ERBIN: variants seen among roughly 807,000 people sequenced by gnomAD.
The protein encoded by ERBIN is erbb2 interacting protein.
A neutral mutation model predicts 158.4 loss-of-function variants in ERBIN; 60 were observed. The ratio of observed to expected loss-of-function variants is 0.38; its 90% CI spans 0.31 to 0.47. ERBIN has a LOEUF of 0.47. Ranked by LOEUF, ERBIN falls within the 20% of genes least tolerant of loss-of-function variation. The pLI is 0.99. For missense variants in ERBIN, 1,610 were observed against 1,648.0 expected (o/e 0.98, Z 0.40); for synonymous variants, 594 against 557.2 (o/e 1.07, Z -0.93).
At chr5:65,980,213 C>T (rs1319894877) in intron 1 of ERBIN, among the ~76,000 whole-genome samples, 3 of 152,130 alleles carry the variant, frequency 2.0e-5, no homozygotes, top group East Asian at 1.9e-4. Context: ...GTCAGGAGTT[C>T]GAGACCAGCC....
chr5:66,064,290 A>C (rs1760764666), intron 21 of ERBIN, among the ~76,000 whole-genome samples: 2 of 152,218 alleles, frequency 1.3e-5, no homozygotes, highest in Non-Finnish European at 2.9e-5. Flanking sequence ...GTTGAATTAA[A>C]GATGTATTTT....
At chr5:66,043,025 T>G in intron 15 of ERBIN, 52 bp from the exon 16 acceptor site, 16 of 1,367,458 alleles carry the variant, frequency 1.2e-5, no homozygotes, top group Non-Finnish European at 1.6e-5. Context: ...AGTGATAGTT[T>G]TCCATAATTA....
chr5:65,941,061 G>T (rs978069421), intron 1 of ERBIN, among the ~76,000 whole-genome samples: 16 of 152,092 alleles, frequency 1.1e-4, no homozygotes, highest in Non-Finnish European at 2.1e-4. Flanking sequence ...TCCACTCAGG[G>T]TTAAATGGAT....
At chr5:65,939,911 C>G (rs1426052128) in intron 1 of ERBIN, among the ~76,000 whole-genome samples, 1 of 151,876 alleles carries the variant, frequency 6.6e-6, no homozygotes, top group Non-Finnish European at 1.5e-5. Context: ...CTCCACCTCC[C>G]AGCCGCCTGC....
At chr5:66,051,088 T>C in intron 20 of ERBIN, 122 bp downstream of exon 20, 1 of 583,672 alleles carries the variant, frequency 1.7e-6, no homozygotes, top group South Asian at 2.9e-5. Flanking sequence ...GTAATATGTT[T>C]TATTTCCCCA....
At chr5:65,938,526 C>G (rs907754408) in intron 1 of ERBIN, among the ~76,000 whole-genome samples, 1 of 151,948 alleles carries the variant, frequency 6.6e-6, no homozygotes, top group East Asian at 1.9e-4. Flanking sequence ...TGTGGTCCCA[C>G]TCCGTTGCCC....
chr5:66,069,197 C>T (rs1370295293), intron 21 of ERBIN, among the ~76,000 whole-genome samples: 1 of 152,214 alleles, frequency 6.6e-6, no homozygotes, highest in Non-Finnish European at 1.5e-5. Context: ...AATTCATTAT[C>T]TCCTGAGTTT....
At chr5:65,946,164 A>C (rs1173182822) in intron 1 of ERBIN, among the ~76,000 whole-genome samples, 2 of 152,114 alleles carry the variant, frequency 1.3e-5, no homozygotes, top group Admixed American at 1.3e-4. Flanking sequence ...CAAGAGTTCA[A>C]GACCAGCCTG....
chr5:66,027,065 T>C (rs943241617), intron 13 of ERBIN, among the ~76,000 whole-genome samples: 2 of 151,998 alleles, frequency 1.3e-5, no homozygotes, highest in African/African-American at 4.8e-5. Flanking sequence ...AACATACTAA[T>C]GATGATTAAA....
intron 7 of ERBIN, among the ~76,000 whole-genome samples, chr5:66,015,243 T>C (rs1754594665): frequency 6.6e-6 from 1 of 152,320 alleles, no homozygotes; most frequent in South Asian, 2.1e-4. Context: ...GAAACAGGTC[T>C]ACAAACTCGA....
At position 66,038,398 on chromosome 5, in the gene ERBIN, C is replaced by T. The variant is rs201686072; in HGVS notation, c.1222C>T (p.Pro408Ser). 1.9e-6 allele frequency: 3 copies of T among 1,610,860 alleles called. No individual in the cohort carries two copies. The highest frequency in any genetic ancestry group is 2.5e-6 in the Non-Finnish European group (3 of 1,178,074). Residue 408 changes from proline (P) to serine (S), a missense_variant, in exon 15 of 26, where the codon CCT becomes TCT. Pro to Ser is a moderately conservative substitution (Grantham distance 74). Around this residue, in one of 2 missense-constraint regions of ERBIN, gnomAD observed 596 missense variants for 711.9 expected, o/e 0.84. Transcript: ENST00000284037. The stretch of plus-strand genomic sequence containing the variant: ...CCTTCTCTAGTCCAAACCCCTGATA[C>T]CTCTTCAAAAAGAAACTGATTCAGA... ...LSDNQSKPLI[P>S]LQKETDSETQ... is the part of the protein sequence containing the mutation.
intron 1 of ERBIN, among the ~76,000 whole-genome samples, chr5:65,959,209 C>G (rs2150951930): frequency 6.6e-6 from 1 of 151,902 alleles, no homozygotes; most frequent in South Asian, 2.1e-4. Flanking sequence ...AATTGCCAAT[C>G]TGGTGGAAAT....
chr5:66,064,216 A>T (rs776219157), intron 21 of ERBIN, among the ~76,000 whole-genome samples: 5 of 152,244 alleles, frequency 3.3e-5, no homozygotes, highest in Non-Finnish European at 7.4e-5. Flanking sequence ...TAAGATTAAT[A>T]GATTAAGGTA....
intron 21 of ERBIN, among the ~76,000 whole-genome samples, chr5:66,055,909 C>G (rs1198994207): frequency 6.6e-6 from 1 of 152,156 alleles, no homozygotes; most frequent in African/African-American, 2.4e-5. Flanking sequence ...CAGTCCTCAA[C>G]TTTAAATGAA....
Position 66,026,397 on chromosome 5 carries a change from C to A in ERBIN, c.1116C>A (p.Val372=). 2 of 1,586,844 alleles carry A rather than the reference C, an allele frequency of 1.3e-6. No individual in the cohort carries two copies. Among genetic ancestry groups the A allele is most frequent in the Admixed American group, 1.8e-5 (1 of 56,974 alleles). ...EEMGDMQKLK[V]INLSDNRLKN... Reference sequence around the variant, plus strand: ...TGGGTGATATGCAAAAATTAAAAGTCATTAATTTAAGTGATAATAGGTTCG... The same window carrying A: ...TGGGTGATATGCAAAAATTAAAAGTAATTAATTTAAGTGATAATAGGTTCG... The change falls in exon 13 of 26, where the codon GTC becomes GTA. Residue 372 remains valine, a synonymous_variant. Transcript: ENST00000284037.
At chr5:66,058,169 T>C (rs1759827862) in intron 21 of ERBIN, among the ~76,000 whole-genome samples, 1 of 151,868 alleles carries the variant, frequency 6.6e-6, no homozygotes, top group Non-Finnish European at 1.5e-5. Context: ...AAAGTGTTCC[T>C]ATTTCTCCAC....
At chr5:65,951,364 G>A (rs2150923891) in intron 1 of ERBIN, among the ~76,000 whole-genome samples, 1 of 152,258 alleles carries the variant, frequency 6.6e-6, no homozygotes, top group Non-Finnish European at 1.5e-5. Flanking sequence ...GCAGTATCTG[G>A]CACATAATAA....
chr5:65,971,625 G>T (rs1004412307), intron 1 of ERBIN, among the ~76,000 whole-genome samples: 4 of 152,110 alleles, frequency 2.6e-5, no homozygotes, highest in Non-Finnish European at 4.4e-5. Flanking sequence ...AGGCCATCAG[G>T]AGTCCAAAAC....
At chr5:66,006,413 C>A (rs1220823693) in intron 4 of ERBIN, among the ~76,000 whole-genome samples, 7 of 152,242 alleles carry the variant, frequency 4.6e-5, no homozygotes, top group South Asian at 2.1e-4. Context: ...TAAAGACTTA[C>A]ATGTTAGACC....
Sources: allele counts gnomAD v4.1 joint callset (sites outside exome capture counted in the v4.1 genomes callset), GRCh38; gene constraint gnomAD v4.1.1; regional missense constraint gnomAD v4.1.1; transcripts MANE v1.5; gene names NCBI Gene and HGNC (gene_info 2026-07-23, HGNC 2026-07-21).